Variants in GCNT3 observed in about 807,000 individuals in gnomAD.
GCNT3 encodes beta-1,3-galactosyl-O-glycosyl-glycoprotein beta-1,6-N-acetylglucosaminyltransferase 3.
For synonymous variants in GCNT3, 269 were observed against 195.2 expected (o/e 1.38, Z -3.15); for missense variants, 708 against 530.3 (o/e 1.34, Z -3.29).
In GCNT3 at chr15:59,618,454, G is replaced by A. The variant is rs148849981; in HGVS notation, c.216G>A (p.Gly72=). ...LPAKRSINCS[G]VTRGDQEAVL... ...CAAAGAGGTCTATCAACTGTTCAGG[G>A]GTCACCCGAGGGGACCAAGAGGCAG... The change falls in exon 3 of 3, where the codon GGG becomes GGA. Residue 72 remains glycine (G), a synonymous_variant. Transcript: ENST00000396065. The A allele has an allele frequency of 1.5e-3, 2,399 of 1,613,944 alleles. 5 individuals are homozygous for A. Among genetic ancestry groups the A allele is most frequent in the Admixed American group, 2.7e-3 (160 of 60,018 alleles).
In GCNT3 at chr15:59,622,107, G is replaced by A. The variant is rs1342362243; in HGVS notation, c.*2552G>A. 4 of 151,544 alleles carry A rather than the reference G, an allele frequency of 2.6e-5. No individual in the cohort carries two copies. Among genetic ancestry groups the A allele is most frequent in the Non-Finnish European group, 5.9e-5 (4 of 67,904 alleles). The allele number at this position is 151,544 out of a possible 1,614,324, so 9.4% of individuals were successfully genotyped here. On this transcript the variant is annotated 3_prime_UTR_variant, in exon 3 of 3. Coordinates refer to ENST00000396065, the MANE Select transcript of GCNT3 (RefSeq NM_004751.3). Reference sequence around the variant, plus strand: ...GTAGGCAGATCACTTGAGGTCAGGAGTTCAAGATCAGCCTGGCCAACATGG... The same window carrying A: ...GTAGGCAGATCACTTGAGGTCAGGAATTCAAGATCAGCCTGGCCAACATGG...
rs576465240 is a variant in GCNT3 at position 59,611,972 on chromosome 15, C to T, written c.-260C>T. 51 of 152,306 alleles carry T rather than the reference C, an allele frequency of 3.3e-4. No individual in the cohort carries two copies. Among genetic ancestry groups the T allele is most frequent in the African/African-American group, 7.7e-4 (32 of 41,568 alleles). 9.4% of individuals were successfully genotyped at this position (152,306 alleles called of 1,614,324 possible). On this transcript the variant is annotated 5_prime_UTR_variant, in exon 1 of 3. Coordinates refer to ENST00000396065, the MANE Select transcript of GCNT3 (RefSeq NM_004751.3). The stretch of plus-strand genomic sequence containing the variant: ...TGTCAATGAGAAGACCAAGCTGACG[C>T]CTGGCAAAGGTAAATGCCACCATAA...
rs757367961 is a variant in GCNT3 at position 59,619,234 on chromosome 15, C to G, written c.996C>G (p.Leu332=). ...ACACTTATAGCCCAGATGAACACCT[C>G]TGGGCCACCCTTCAGCGTGCACGGT... The part of the protein sequence containing the change: ...VKDTYSPDEH[L]WATLQRARWM... Residue 332 remains leucine, a synonymous_variant, in exon 3 of 3, where the codon CTC becomes CTG. Coordinates refer to ENST00000396065, the MANE Select transcript of GCNT3 (RefSeq NM_004751.3). The G allele has an allele frequency of 1.4e-5, 23 of 1,613,978 alleles. No individual in the cohort carries two copies. The East Asian group carries it at 4.2e-4, about 30-fold the overall frequency.
At position 59,619,609 on chromosome 15, in the gene GCNT3, T is replaced by G; in HGVS notation, c.*54T>G. ...GGGGCAAGAGCATGTACAAACATGC[T>G]CAGAACTTGCTGGGACAGTGTGGGT... is the stretch of plus-strand genomic sequence containing the variant. On this transcript the variant is annotated 3_prime_UTR_variant, in exon 3 of 3. Coordinates refer to ENST00000396065, the MANE Select transcript of GCNT3 (RefSeq NM_004751.3). 2 of 1,184,016 alleles carry G rather than the reference T, an allele frequency of 1.7e-6. No individual in the cohort carries two copies. The highest frequency in any genetic ancestry group is 2.8e-5 in the South Asian group (2 of 71,100). 73.3% of individuals were successfully genotyped at this position (1,184,016 alleles called of 1,614,324 possible).
At chr15:59,618,136 G>C in intron 2 of GCNT3, 43 bp from the exon 3 acceptor site, 1 of 668,058 alleles carries the variant, frequency 1.5e-6, no homozygotes, top group Non-Finnish European at 2.6e-6. Context: ...GATGTTTCTG[G>C]GAATGATTGG....
chr15:59,619,586 G>A lies in GCNT3; in HGVS notation c.*31G>A. On this transcript the variant is annotated 3_prime_UTR_variant, in exon 3 of 3. Coordinates refer to ENST00000396065, the MANE Select transcript of GCNT3 (RefSeq NM_004751.3). Reference sequence around the variant, plus strand: ...ACTATGAGAGCGTTGCTACCTGTGGGGCAAGAGCATGTACAAACATGCTCA... The same window carrying A: ...ACTATGAGAGCGTTGCTACCTGTGGAGCAAGAGCATGTACAAACATGCTCA... 1.5e-6 allele frequency: 2 copies of A among 1,376,962 alleles called. No individual in the cohort carries two copies. The highest frequency in any genetic ancestry group is 2.0e-6 in the Non-Finnish European group (2 of 984,186). The allele number at this position is 1,376,962 out of a possible 1,614,324, so 85.3% of individuals were successfully genotyped here.
chr15:59,617,633 G>T (rs181512048), intron 2 of GCNT3, among the ~76,000 whole-genome samples: 15 of 152,188 alleles, frequency 9.9e-5, no homozygotes, highest in African/African-American at 3.4e-4. Context: ...ACTTCTTTAA[G>T]AACATTTTTT....
At position 59,618,380 on chromosome 15, in the gene GCNT3, C is replaced by G; in HGVS notation, c.142C>G (p.Gln48Glu). Residue 48 changes from glutamine to glutamate, a missense_variant, in exon 3 of 3, where the codon CAA (glutamine) becomes GAA (glutamate). By Grantham distance (29) the Gln-to-Glu change is conservative (BLOSUM62 2). Transcript: ENST00000396065. ...DHLGLESRES[Q>E]SQYCRNILYN... The stretch of plus-strand genomic sequence containing the variant: ...CTTGGGTCTGGAGTCCAGGGAATCT[C>G]AAAGCCAGTACTGTAGGAATATCTT... 1 of 1,614,110 alleles carries G rather than the reference C, an allele frequency of 6.2e-7. No homozygotes were observed. The highest frequency in any genetic ancestry group is 8.5e-7 in the Non-Finnish European group (1 of 1,179,990).
intron 2 of GCNT3, 25 bp from the exon 3 acceptor site, chr15:59,618,154 C>A (rs535711884): frequency 2.8e-6 from 2 of 717,480 alleles, no homozygotes; most frequent in South Asian, 4.3e-5. Flanking sequence ...TGGTTTGTAA[C>A]TGGAGGCATT....
At chr15:59,617,433 G>T (rs145511665) in intron 2 of GCNT3, among the ~76,000 whole-genome samples, 1 of 152,030 alleles carries the variant, frequency 6.6e-6, no homozygotes, top group African/African-American at 2.4e-5. Flanking sequence ...ATCTATAAAA[G>T]AGGCTTAATA....
rs769155869 is a variant in GCNT3, at chr15:59,618,296, A to T, written c.58A>T (p.Met20Leu). ...TTACTTGTGGGCTCTGGGCTGCTAT[A>T]TGCTGCTGGCCACTGTGGCTCTGAA... Reference protein sequence around the residue: ...LHYLWALGCYMLLATVALKLS... With the variant: ...LHYLWALGCYLLLATVALKLS... The change falls in exon 3 of 3, where the codon ATG becomes TTG. Residue 20 changes from methionine to leucine, a missense_variant. Physicochemically the swap from Met to Leu is conservative, Grantham distance 15. Coordinates refer to ENST00000396065, the MANE Select transcript of GCNT3 (RefSeq NM_004751.3). 6.2e-7 allele frequency: 1 copy of T among 1,611,966 alleles called. No homozygotes were observed. Among genetic ancestry groups the T allele is most frequent in the Non-Finnish European group, 8.5e-7 (1 of 1,179,342 alleles).
intron 1 of GCNT3, among the ~76,000 whole-genome samples, chr15:59,613,179 C>T (rs887123528): frequency 6.6e-6 from 1 of 152,004 alleles, no homozygotes; most frequent in Admixed American, 6.6e-5. Context: ...CAAAAGAATT[C>T]ACTAAAATAC....
At position 59,620,873 on chromosome 15, in the gene GCNT3, T is replaced by C. The variant is rs907063639; in HGVS notation, c.*1318T>C. The C allele has an allele frequency of 1.8e-5, 2 of 111,918 alleles. No individual in the cohort carries two copies. Among genetic ancestry groups the C allele is most frequent in the Admixed American group, 1.7e-4 (2 of 11,462 alleles). 6.9% of individuals were successfully genotyped at this position (111,918 alleles called of 1,614,324 possible). A position where few individuals can be genotyped will look rare whatever the true frequency, so the allele number is the denominator to read the frequency against. ...TTTAGGCCTCTTGAGTCAAAACTCTTTTTTTTTTTTTTTTTTTTTTTTTTT... is the reference window on the plus strand; with the variant it reads ...TTTAGGCCTCTTGAGTCAAAACTCTCTTTTTTTTTTTTTTTTTTTTTTTTT... On this transcript the variant is annotated 3_prime_UTR_variant, in exon 3 of 3. Coordinates refer to ENST00000396065, the MANE Select transcript of GCNT3 (RefSeq NM_004751.3).
At chr15:59,618,070 T>G (rs2082727770) in intron 2 of GCNT3, 109 bp from the exon 3 acceptor site, 1 of 527,306 alleles carries the variant, frequency 1.9e-6, no homozygotes, top group African/African-American at 1.9e-5. Flanking sequence ...AGGTCTTTAC[T>G]AAGGATTTTT....
chr15:59,619,588 C>G lies in GCNT3; in HGVS notation c.*33C>G. 1 of 1,358,150 alleles carries G rather than the reference C, an allele frequency of 7.4e-7. No homozygotes were observed. The highest frequency in any genetic ancestry group is 1.0e-6 in the Non-Finnish European group (1 of 967,260). 84.1% of individuals were successfully genotyped at this position (1,358,150 alleles called of 1,614,324 possible). A position where few individuals can be genotyped will look rare whatever the true frequency, so the allele number is the denominator to read the frequency against. Reference sequence around the variant, plus strand: ...TATGAGAGCGTTGCTACCTGTGGGGCAAGAGCATGTACAAACATGCTCAGA... The same window carrying G: ...TATGAGAGCGTTGCTACCTGTGGGGGAAGAGCATGTACAAACATGCTCAGA... On this transcript the variant is annotated 3_prime_UTR_variant, in exon 3 of 3. Transcript: ENST00000396065.
intron 1 of GCNT3, among the ~76,000 whole-genome samples, chr15:59,613,580 A>AT (rs2082706365): frequency 6.8e-6 from 1 of 147,996 alleles, no homozygotes; most frequent in African/African-American, 2.6e-5. Context: ...AAATAAATAA[A>AT]AATAAAAATA....
At position 59,615,608 on chromosome 15, in the gene GCNT3, C is replaced by T. The variant is rs2082716083; in HGVS notation, c.-250-1084C>T. Among the ~76,000 whole-genome samples the T allele has an allele frequency of 2.6e-5, 4 of 151,942 alleles. 1 individual carries two copies. The highest frequency in any genetic ancestry group is 4.2e-4 in the South Asian group (2 of 4,814). On this transcript the variant is annotated intron_variant, in intron 1 of 2. Transcript: ENST00000396065. ...TTAAATTTGCCCTGTTCAGGCTGGG[C>T]GTGGTGGCTCACTCCTGTAATCCCA... is the stretch of plus-strand genomic sequence containing the variant.
Position 59,611,983 on chromosome 15 carries a change from T to A in GCNT3, c.-251+2T>A, listed in dbSNP as rs1012803742. On this transcript the variant is annotated splice_donor_variant, in intron 1 of 2. Coordinates refer to ENST00000396065, the MANE Select transcript of GCNT3 (RefSeq NM_004751.3). LOFTEE classifies it low-confidence loss of function (5UTR_SPLICE). ...AGACCAAGCTGACGCCTGGCAAAGGTAAATGCCACCATAACAAATTAAGTA... is the reference window on the plus strand; with the variant it reads ...AGACCAAGCTGACGCCTGGCAAAGGAAAATGCCACCATAACAAATTAAGTA... The A allele has an allele frequency of 2.6e-5, 4 of 152,212 alleles. No individual in the cohort carries two copies. Among genetic ancestry groups the A allele is most frequent in the Non-Finnish European group, 5.9e-5 (4 of 68,050 alleles). 9.4% of individuals were successfully genotyped at this position (152,212 alleles called of 1,614,324 possible).
rs1475199831 is a variant in GCNT3 at position 59,616,880 on chromosome 15, A to G, written c.-62A>G. ...CCCTAAGCAGGAGAGAAGCTACTAA[A>G]GGTGAGAATTTTCTTCATTTTTCAT... On this transcript the variant is annotated splice_region_variant and 5_prime_UTR_variant, in exon 2 of 3. Coordinates refer to ENST00000396065, the MANE Select transcript of GCNT3 (RefSeq NM_004751.3). 7 of 152,152 alleles carry G rather than the reference A, an allele frequency of 4.6e-5. No homozygotes were observed. The highest frequency in any genetic ancestry group is 1.7e-4 in the African/African-American group (7 of 41,422). The allele number at this position is 152,152 out of a possible 1,614,324, so 9.4% of individuals were successfully genotyped here.
Sources: allele counts gnomAD v4.1 joint callset (sites outside exome capture counted in the v4.1 genomes callset), GRCh38; gene constraint gnomAD v4.1.1; transcripts MANE v1.5; gene names NCBI Gene and HGNC (gene_info 2026-07-23, HGNC 2026-07-21).